The following KIF1B variants were observed in gnomAD, a reference collection of about 807,000 sequenced individuals.
The protein encoded by KIF1B is kinesin family member 1B, also known as kinesin-like protein KIF1B.
In KIF1B, 76 loss-of-function variants were observed where a neutral mutation model predicts 241.9. The ratio of observed to expected loss-of-function variants is 0.31; its 90% CI spans 0.26 to 0.38. The LOEUF (loss-of-function observed/expected upper bound fraction) is 0.38. Among genes scored for constraint, KIF1B ranks in the 10% least tolerant of loss-of-function variants. The probability of loss-of-function intolerance (pLI) is 1.00; values close to 1 mark genes in which losing one functional copy is unlikely to be tolerated. For missense variants in KIF1B, 1,622 were observed against 2,271.4 expected, an observed-to-expected ratio of 0.71 and a Z score of 5.81; for synonymous variants, 750 against 796.7, an observed-to-expected ratio of 0.94 and a Z score of 0.99.
At position 10,308,097 on chromosome 1, in the gene KIF1B, A is replaced by G. The variant is rs1166936440; in HGVS notation, c.2115+10851A>G. 9 of 1,060,694 alleles carry G rather than the reference A, an allele frequency of 8.5e-6. No homozygotes were observed. In the South Asian group the frequency reaches 2.7e-4, roughly 32 times the overall value. The allele number at this position is 1,060,694 out of a possible 1,614,324, so 65.7% of individuals were successfully genotyped here. ...AGGCTGTTTTACTACCGGAAGTTAC[A>G]TAGACTTCCTGCAGTCAGCTGCTGT... On this transcript the variant is annotated intron_variant, in intron 22 of 48. Coordinates refer to ENST00000676179, the MANE Select transcript of KIF1B (RefSeq NM_001365951.3).
chr1:10,345,601 T>G, intron 34 of KIF1B: 1 of 493,194 alleles, frequency 2.0e-6, no homozygotes, highest in Non-Finnish European at 3.7e-6. Context: ...TTCTCATCAT[T>G]AGAGACAGTT....
In KIF1B at chr1:10,365,297, A is replaced by G; in HGVS notation, c.4512+52A>G. ...GCAAGAACTCTCGGACAAGATTGCC[A>G]AAGTATCAGTCTTCCTCCCCGCTGC... On this transcript the variant is annotated intron_variant, in intron 42 of 48. Coordinates refer to ENST00000676179, the MANE Select transcript of KIF1B (RefSeq NM_001365951.3). The surrounding 1 kb of genome is among the most constrained non-coding windows in gnomAD (Gnocchi z 4.0). The G allele has an allele frequency of 6.2e-7, 1 of 1,613,468 alleles. No homozygotes were observed. Among genetic ancestry groups the G allele is most frequent in the Non-Finnish European group, 8.5e-7 (1 of 1,179,628 alleles).
chr1:10,231,311 C>A (rs1229100124), intron 1 of KIF1B, among the ~76,000 whole-genome samples: 1 of 150,906 alleles, frequency 6.6e-6, no homozygotes, highest in African/African-American at 2.4e-5. Context: ...TATTTAATTA[C>A]ACAATATATA....
chr1:10,304,742 TTATTTACATTATAAA>T lies in KIF1B; in HGVS notation c.2115+7501_2115+7515del, dbSNP rs546390208. On this transcript the variant is annotated intron_variant, in intron 22 of 48. Transcript: ENST00000676179. Reference sequence around the variant, plus strand: ...TTCTACCTTTGGCCTTGAGTTCTTATTATTTACATTATAAATATTAACTGGTTTTATATTGTTAAG... The same window carrying T: ...TTCTACCTTTGGCCTTGAGTTCTTATTATTAACTGGTTTTATATTGTTAAG... The T allele has an allele frequency of 4.0e-4, 625 of 1,551,288 alleles. 4 individuals carry two copies. In the African/African-American group the frequency reaches 7.7e-3, roughly 19 times the overall value.
rs1230227842 is a variant in KIF1B, at chr1:10,275,455, A to G, written c.910A>G (p.Ile304Val). 6.3e-7 allele frequency: 1 copy of G among 1,588,190 alleles called. No individual in the cohort carries two copies. The highest frequency in any genetic ancestry group is 1.1e-5 in the South Asian group (1 of 90,546). The change falls in exon 11 of 49, where the codon ATT becomes GTT. Residue 304 changes from isoleucine (I) to valine (V), a missense_variant. By Grantham distance (29) the Ile-to-Val change is conservative. Around this residue, in one of 7 missense-constraint regions of KIF1B, gnomAD observed 201 missense variants for 301.2 expected, o/e 0.67. Coordinates refer to ENST00000676179, the MANE Select transcript of KIF1B (RefSeq NM_001365951.3). ...TAAAAAGAAGAAGAAAACAGATTTTATTCCCTACAGGGATTCTGTACTTAC... is the reference window on the plus strand; with the variant it reads ...TAAAAAGAAGAAGAAAACAGATTTTGTTCCCTACAGGGATTCTGTACTTAC... ...KSKKKKKTDF[I>V]PYRDSVLTWL...
At chr1:10,353,080 A>G (rs1179911013) in intron 38 of KIF1B, among the ~76,000 whole-genome samples, 1 of 152,212 alleles carries the variant, frequency 6.6e-6, no homozygotes, top group Non-Finnish European at 1.5e-5. Flanking sequence ...AATTATTGCC[A>G]AGATTAAATT....
intron 2 of KIF1B, among the ~76,000 whole-genome samples, chr1:10,237,011 A>T (rs1647066139): frequency 6.6e-6 from 1 of 152,194 alleles, no homozygotes; most frequent in South Asian, 2.1e-4. Context: ...GATGGAATGC[A>T]CTAGAATGTT....
rs1260621979 is a variant in KIF1B, at chr1:10,235,105, G to A, written c.106+2671G>A. 5.9e-5 allele frequency among the ~76,000 whole-genome samples: 9 copies of A among 151,434 alleles called. 1 individual carries two copies. Among genetic ancestry groups the A allele is most frequent in the Admixed American group, 5.9e-4 (9 of 15,192 alleles). ...GGGTTTCACCATGTTGGCCAGGCTGGTCTTGAACTCCTGACCTCAGGTCAT... is the reference window on the plus strand; with the variant it reads ...GGGTTTCACCATGTTGGCCAGGCTGATCTTGAACTCCTGACCTCAGGTCAT... On this transcript the variant is annotated intron_variant, in intron 2 of 48. Transcript: ENST00000676179.
Position 10,375,368 on chromosome 1 carries a change from A to G in KIF1B, c.5403A>G (p.Thr1801=), listed in dbSNP as rs1457365465. The change falls in exon 48 of 49, where the codon ACA becomes ACG. Residue 1801 remains threonine (T), a synonymous_variant. Coordinates refer to ENST00000676179, the MANE Select transcript of KIF1B (RefSeq NM_001365951.3). ...CCTTCAACCCACTTCTAGCTGGCAC[A>G]ATACGGTAAGAAGTTTTGTTGTTGT... ...LYAFNPLLAG[T]IRSKLSRRCP... The G allele has an allele frequency of 2.5e-6, 4 of 1,611,150 alleles. No individual in the cohort carries two copies. Among genetic ancestry groups the G allele is most frequent in the African/African-American group, 2.7e-5 (2 of 74,870 alleles).
chr1:10,370,378 A>G (rs1032399496), intron 44 of KIF1B, among the ~76,000 whole-genome samples: 3 of 152,160 alleles, frequency 2.0e-5, no homozygotes, highest in Non-Finnish European at 4.4e-5. Context: ...CCTGGGCAAC[A>G]TGACAAAAAC....
At chr1:10,294,136 ACT>A (rs1650144329) in intron 17 of KIF1B, among the ~76,000 whole-genome samples, 1 of 151,750 alleles carries the variant, frequency 6.6e-6, no homozygotes, top group South Asian at 2.1e-4. Context: ...ATTTGCTGGC[ACT>A]CTCTTGAGTA....
chr1:10,334,022 G>A (rs1334637051), intron 27 of KIF1B, among the ~76,000 whole-genome samples: 15 of 151,484 alleles, frequency 9.9e-5, no homozygotes, highest in Non-Finnish European at 1.3e-4. Flanking sequence ...ATGGTGGCAC[G>A]TGCCTGTAAT....
At chr1:10,305,017 T>G (rs915388118) in intron 22 of KIF1B, 2 of 1,107,056 alleles carry the variant, frequency 1.8e-6, no homozygotes, top group Non-Finnish European at 2.2e-6. Flanking sequence ...CCTCTTAGTT[T>G]ATGCAGACAT....
At position 10,222,194 on chromosome 1, in the gene KIF1B, G is replaced by C. The variant is rs183738376; in HGVS notation, c.-79-10056G>C. 1.1e-3 allele frequency among the ~76,000 whole-genome samples: 162 copies of C among 152,298 alleles called. 3 individuals carry two copies. The highest frequency in any genetic ancestry group is 3.4e-4 in the Non-Finnish European group (23 of 68,030). On this transcript the variant is annotated intron_variant, in intron 1 of 48. Coordinates refer to ENST00000676179, the MANE Select transcript of KIF1B (RefSeq NM_001365951.3). ...ACTCAGAAAAGCAGACGGATATTAA[G>C]AAATGAATTAACGCATCCTGCTCCA...
At chr1:10,262,057 T>A in intron 5 of KIF1B, 87 bp downstream of exon 5, 3 of 877,518 alleles carry the variant, frequency 3.4e-6, no homozygotes, top group Non-Finnish European at 3.8e-6. Context: ...ATGACTGTGG[T>A]ACACATCACT....
chr1:10,326,264 C>A lies in KIF1B; in HGVS notation c.2829C>A (p.Ala943=). ...ATGATGAGGCATTCGTGGATGACGCCGGCTCTGACGCAGGGACGGAGGAGG... is the reference window on the plus strand; with the variant it reads ...ATGATGAGGCATTCGTGGATGACGCAGGCTCTGACGCAGGGACGGAGGAGG... ...DFDDEAFVDD[A]GSDAGTEEGS... Residue 943 remains alanine, a synonymous_variant, in exon 27 of 49, where the codon GCC becomes GCA. Coordinates refer to ENST00000676179, the MANE Select transcript of KIF1B (RefSeq NM_001365951.3). The surrounding 1 kb of genome is among the most constrained non-coding windows in gnomAD (Gnocchi z 5.2). 1 of 1,614,140 alleles carries A rather than the reference C, an allele frequency of 6.2e-7. No homozygotes were observed. The highest frequency in any genetic ancestry group is 8.5e-7 in the Non-Finnish European group (1 of 1,180,028).
At position 10,321,786 on chromosome 1, in the gene KIF1B, C is replaced by T; in HGVS notation, c.2287C>T (p.Arg763Trp). 1 of 1,614,116 alleles carries T rather than the reference C, an allele frequency of 6.2e-7. No individual in the cohort carries two copies. Residue 763 changes from arginine (R) to tryptophan (W), a missense_variant, in exon 24 of 49, where the codon CGG becomes TGG. Transcript: ENST00000676179. ...KWKSHQFTSL[R>W]DLLWGNAVYL... ...GAAGTCTCATCAGTTTACTTCATTA[C>T]GGGACTTACTCTGGGGCAATGCCGT...
intron 22 of KIF1B, among the ~76,000 whole-genome samples, chr1:10,301,463 C>G (rs1650537075): frequency 6.6e-6 from 1 of 151,928 alleles, no homozygotes; most frequent in Non-Finnish European, 1.5e-5. Flanking sequence ...GTCAGGAGTT[C>G]AAGACCAGCC....
At position 10,372,675 on chromosome 1, in the gene KIF1B, G is replaced by T. The variant is rs1569926537; in HGVS notation, c.4946+1413G>T. 5.5e-5 allele frequency among the ~76,000 whole-genome samples: 7 copies of T among 127,098 alleles called. 2 individuals carry two copies. Among genetic ancestry groups the T allele is most frequent in the African/African-American group, 2.1e-4 (7 of 33,788 alleles). 83.4% of individuals were successfully genotyped at this position (127,098 alleles called of 152,430 possible). On this transcript the variant is annotated intron_variant, in intron 45 of 48. Transcript: ENST00000676179. ...CTTGGGTGACAGAGCTGTCACCCAA[G>T]CTGGCGCGCAGCGGCGCAATCTCGG... is the stretch of plus-strand genomic sequence containing the variant.
Sources: allele counts gnomAD v4.1 joint callset (sites outside exome capture counted in the v4.1 genomes callset), GRCh38; gene constraint gnomAD v4.1.1; regional missense constraint gnomAD v4.1.1; non-coding constraint Gnocchi (gnomAD v3.1); transcripts MANE v1.5; gene names NCBI Gene and HGNC (gene_info 2026-07-23, HGNC 2026-07-21).